Variants in CAST observed in about 807,000 individuals in gnomAD.
The protein encoded by CAST is MIR583 host.
Under a neutral mutation model 119.6 loss-of-function variants are expected in CAST, and 76 were observed. The ratio of observed to expected loss-of-function variants is 0.64; its 90% CI spans 0.53 to 0.77. The LOEUF (loss-of-function observed/expected upper bound fraction) is 0.77, where lower values mean the gene tolerates loss of function less well. Among genes scored for constraint, CAST ranks in the 30% least tolerant of loss-of-function variants. The pLI is 0.00. For missense variants in CAST, 953 were observed against 946.5 expected, an observed-to-expected ratio of 1.01 and a Z score of -0.09; for synonymous variants, 319 against 331.6, an observed-to-expected ratio of 0.96 and a Z score of 0.41.
chr5:96,551,231 C>A (rs1278879958), intron 1 of CAST, among the ~76,000 whole-genome samples: 1 of 152,200 alleles, frequency 6.6e-6, no homozygotes, highest in South Asian at 2.1e-4. Flanking sequence ...TGCAGAAACC[C>A]TACAAGCCAG....
At chr5:96,145,198 T>C in the CAST span, among the ~76,000 whole-genome samples, 2 of 152,228 alleles carry the variant, frequency 1.3e-5, no homozygotes, top group Admixed American at 1.3e-4. Context: ...TTTGCAAGTA[T>C]GTGTTTTCCC....
intron 2 of CAST, among the ~76,000 whole-genome samples, chr5:96,693,324 AAC>A (rs767449328): frequency 2.0e-4 from 31 of 152,242 alleles, no homozygotes; most frequent in Admixed American, 2.6e-4. Flanking sequence ...ATTAAGTTTA[AAC>A]AGTCATTATT....
the CAST span, among the ~76,000 whole-genome samples, chr5:96,453,146 G>C: frequency 6.6e-6 from 1 of 152,076 alleles, no homozygotes; most frequent in African/African-American, 2.4e-5. Flanking sequence ...GTGATGAAAA[G>C]TAAATCCTTG....
the CAST span, among the ~76,000 whole-genome samples, chr5:96,169,614 C>T: frequency 3.3e-5 from 5 of 151,956 alleles, no homozygotes; most frequent in African/African-American, 1.2e-4. Flanking sequence ...CCTTTTAAAG[C>T]GTGCTGTGGG....
At chr5:96,397,882 G>T in the CAST span, among the ~76,000 whole-genome samples, 2 of 151,836 alleles carry the variant, frequency 1.3e-5, no homozygotes, top group East Asian at 3.8e-4. Context: ...GTAGGTGCCT[G>T]ACTCCATAAT....
At chr5:96,423,869 G>T in the CAST span, among the ~76,000 whole-genome samples, 3 of 152,038 alleles carry the variant, frequency 2.0e-5, no homozygotes, top group Admixed American at 1.3e-4. Context: ...TCATTATATT[G>T]CCTGGTGCAT....
At chr5:96,691,588 C>T (rs1752735937) in intron 2 of CAST, among the ~76,000 whole-genome samples, 1 of 152,202 alleles carries the variant, frequency 6.6e-6, no homozygotes, top group South Asian at 2.1e-4. Context: ...GACTTTGGGC[C>T]TCTCCCTTTA....
the CAST span, among the ~76,000 whole-genome samples, chr5:96,225,754 A>G: frequency 1.3e-5 from 2 of 152,208 alleles, no homozygotes; most frequent in East Asian, 1.9e-4. Flanking sequence ...TTATTACTCA[A>G]AGATAGACAC....
chr5:96,195,938 A>G, the CAST span, among the ~76,000 whole-genome samples: 2 of 152,108 alleles, frequency 1.3e-5, no homozygotes, highest in Non-Finnish European at 2.9e-5. Context: ...ATGATTTTTC[A>G]TTTTCATGAA....
At chr5:96,345,376 G>A in the CAST span, among the ~76,000 whole-genome samples, 722 of 152,210 alleles carry the variant, frequency 4.7e-3, 4 homozygotes, top group African/African-American at 0.016. Flanking sequence ...ACCAGAAACA[G>A]GAGATTTGTG....
At chr5:96,050,110 G>A in the CAST span, 7 of 152,296 alleles carry the variant, frequency 4.6e-5, no homozygotes, top group African/African-American at 1.7e-4. Context: ...TAACGATGGG[G>A]AGGGAGAATA....
chr5:96,461,623 G>A, the CAST span, among the ~76,000 whole-genome samples: 1 of 152,014 alleles, frequency 6.6e-6, no homozygotes, highest in African/African-American at 2.4e-5. Flanking sequence ...GGTAAAACAT[G>A]CCTGGGTCTC....
the CAST span, among the ~76,000 whole-genome samples, chr5:96,326,101 C>T: frequency 2.6e-5 from 4 of 152,184 alleles, no homozygotes; most frequent in African/African-American, 9.7e-5. Flanking sequence ...TTCCCCACCC[C>T]CTATTACCTG....
At chr5:96,359,378 A>G in the CAST span, among the ~76,000 whole-genome samples, 8 of 152,164 alleles carry the variant, frequency 5.3e-5, no homozygotes, top group Non-Finnish European at 5.9e-5. Flanking sequence ...TGTCATTATG[A>G]TGCTAGCTGG....
chr5:95,976,039 A>G, the CAST span, among the ~76,000 whole-genome samples: 3 of 152,072 alleles, frequency 2.0e-5, no homozygotes, highest in Non-Finnish European at 4.4e-5. Flanking sequence ...TGTGCTCCCA[A>G]GCACATTTCT....
the CAST span, among the ~76,000 whole-genome samples, chr5:96,216,960 T>C: frequency 6.6e-6 from 1 of 152,322 alleles, no homozygotes; most frequent in Non-Finnish European, 1.5e-5. Flanking sequence ...CAGAAGTATT[T>C]TATAAGCACT....
intron 3 of CAST, among the ~76,000 whole-genome samples, chr5:96,703,513 A>G (rs573058715): frequency 1.9e-4 from 29 of 152,278 alleles, no homozygotes; most frequent in Admixed American, 1.2e-3. Flanking sequence ...CTTTGTGTCT[A>G]TCTTTTAAGA....
the CAST span, among the ~76,000 whole-genome samples, chr5:96,505,959 C>T: frequency 6.6e-6 from 1 of 152,188 alleles, no homozygotes; most frequent in Admixed American, 6.5e-5. Flanking sequence ...CTAAACTCTG[C>T]CCTGGTGGTT....
chr5:96,246,997 T>C, the CAST span, among the ~76,000 whole-genome samples: 1 of 152,196 alleles, frequency 6.6e-6, no homozygotes, highest in Non-Finnish European at 1.5e-5. Flanking sequence ...ATTACAAATA[T>C]GGTTTATTTT....
Sources: gnomAD v4.1 joint callset for allele counts (sites outside exome capture counted in the v4.1 genomes callset) on GRCh38, gnomAD v4.1.1 for gene constraint, MANE v1.5 for transcripts, NCBI Gene and HGNC (gene_info 2026-07-23, HGNC 2026-07-21) for gene names.